Variants in C3 observed in about 807,000 individuals in gnomAD.
C3 encodes the protein C3 and PZP-like alpha-2-macroglobulin domain-containing protein 1.
C3 carries 97 observed loss-of-function variants against 207.9 expected under a neutral mutation model. That is an observed-to-expected ratio of 0.47 (90% CI 0.40 to 0.55). The LOEUF (loss-of-function observed/expected upper bound fraction) is 0.55. Among genes scored for constraint, C3 ranks in the 20% least tolerant of loss-of-function variants. The pLI is 0.00. For missense variants in C3, 1,684 were observed against 2,171.7 expected, an observed-to-expected ratio of 0.78 and a Z score of 4.46; for synonymous variants, 848 against 857.6, an observed-to-expected ratio of 0.99 and a Z score of 0.20.
At chr19:6,709,611 T>TGG in intron 14 of C3, 73 bp downstream of exon 14, 64 of 1,109,288 alleles carry the variant, frequency 5.8e-5, no homozygotes, top group East Asian at 7.7e-5. Context: ...CCCTCTCCAG[T>TGG]CCCACCCACC....
At chr19:6,705,872 C>A (rs909856539) in intron 17 of C3, among the ~76,000 whole-genome samples, 4 of 151,854 alleles carry the variant, frequency 2.6e-5, no homozygotes, top group Non-Finnish European at 2.9e-5. Context: ...CGGGGTTTCA[C>A]CATGTTGGCC....
At chr19:6,683,843 C>G (rs1006145460) in intron 33 of C3, among the ~76,000 whole-genome samples, 1 of 152,162 alleles carries the variant, frequency 6.6e-6, no homozygotes, top group Non-Finnish European at 1.5e-5. Flanking sequence ...GCTTGTGATC[C>G]CAAAACTTTG....
At chr19:6,707,329 A>C in intron 16 of C3, 56 bp from the exon 17 acceptor site, 3 of 1,601,584 alleles carry the variant, frequency 1.9e-6, no homozygotes, top group Admixed American at 1.7e-5. Context: ...CGGCAGCAGG[A>C]GGGACGCGGG....
rs139945572 is a variant in C3, at chr19:6,707,486, G to A, written c.2027C>T (p.Thr676Met). 3 of 1,614,068 alleles carry A rather than the reference G, an allele frequency of 1.9e-6. No individual in the cohort carries two copies. The highest frequency in any genetic ancestry group is 2.5e-6 in the Non-Finnish European group (3 of 1,179,984). The change falls in exon 16 of 41, where the codon ACG (threonine) becomes ATG (methionine). Residue 676 changes from threonine (T) to methionine (M), a missense_variant. By Grantham distance (81) the Thr-to-Met change is moderately conservative. Coordinates refer to ENST00000245907, the MANE Select transcript of C3 (RefSeq NM_000064.4). ...CCCACCTTTGTCCATTCGCTTCTCC[G>A]TGAGCTGCACGGAACGGCGTCGGCG... The part of the protein sequence containing the change: ...AARRRRSVQL[T>M]EKRMDKVGKY...
At chr19:6,696,764 G>A (rs966386440) in intron 21 of C3, 105 bp from the exon 22 acceptor site, 49 of 1,153,976 alleles carry the variant, frequency 4.2e-5, no homozygotes, top group African/African-American at 1.4e-4. Flanking sequence ...TAGCATTGCC[G>A]GGCGCGGTGG....
intron 14 of C3, 74 bp downstream of exon 14, chr19:6,709,610 G>A: frequency 7.6e-7 from 1 of 1,318,348 alleles, no homozygotes; most frequent in African/African-American, 1.5e-5. Context: ...GCCCTCTCCA[G>A]TCCCACCCAC....
chr19:6,706,022 T>TA (rs1313960530), intron 17 of C3, among the ~76,000 whole-genome samples: 2 of 152,230 alleles, frequency 1.3e-5, no homozygotes, highest in Non-Finnish European at 2.9e-5. Flanking sequence ...ACTTAAGACT[T>TA]ATTTCACGTG....
intron 38 of C3, among the ~76,000 whole-genome samples, chr19:6,678,748 T>C (rs1044172278): frequency 6.6e-6 from 1 of 152,100 alleles, no homozygotes; most frequent in African/African-American, 2.4e-5. Context: ...CACAAAATAC[T>C]GTAGCCTCAT....
chr19:6,691,055 C>CTT (rs112828808), intron 26 of C3, among the ~76,000 whole-genome samples: 3,399 of 131,672 alleles, frequency 0.026, 130 homozygotes, highest in African/African-American at 0.085. Flanking sequence ...GAGATATACA[C>CTT]TTTTTTTTTT....
chr19:6,689,365 CTCTCTCTCTCTCTCTCTCTCTCTG>C (rs1918112441), intron 27 of C3, among the ~76,000 whole-genome samples: 1 of 129,264 alleles, frequency 7.7e-6, no homozygotes, highest in African/African-American at 3.3e-5. Context: ...CCCTCCCTCT[CTCTCTCTCTCTCTCTCTCTCTCTG>C]CCTTGGTCCC....
At chr19:6,694,387 C>G (rs779711542) in intron 24 of C3, 44 bp downstream of exon 24, 2 of 1,577,896 alleles carry the variant, frequency 1.3e-6, no homozygotes, top group Non-Finnish European at 1.7e-6. Context: ...GGGATGCGCT[C>G]GGAAAGGGGT....
chr19:6,709,611 T>TTCCCCCCCCCCCCCCCC, intron 14 of C3, 73 bp downstream of exon 14: 3 of 1,109,436 alleles, frequency 2.7e-6, no homozygotes, highest in South Asian at 1.2e-5. Flanking sequence ...CCCTCTCCAG[T>TTCCCCCCCCCCCCCCCC]CCCACCCACC....
At chr19:6,705,461 G>A (rs1474953173) in intron 17 of C3, among the ~76,000 whole-genome samples, 2 of 150,494 alleles carry the variant, frequency 1.3e-5, no homozygotes, top group Non-Finnish European at 2.9e-5. Flanking sequence ...TCCCACCTCA[G>A]CCTCCTGAGT....
chr19:6,719,159 G>C lies in C3; in HGVS notation c.267+52C>G, dbSNP rs1355312166. On this transcript the variant is annotated intron_variant, in intron 2 of 40. Coordinates refer to ENST00000245907, the MANE Select transcript of C3 (RefSeq NM_000064.4). This position sits in a 1 kb window ranked among gnomAD's most constrained non-coding sequence, Gnocchi z 5.4. ...GGGGAGGGGCTCAGGAGGAGGGGGG[G>C]AGTGGGCGTGGCTGTGGGTGTCAGC... 1.4e-6 allele frequency: 2 copies of C among 1,468,756 alleles called. No individual in the cohort carries two copies. Among genetic ancestry groups the C allele is most frequent in the Non-Finnish European group, 1.9e-6 (2 of 1,048,024 alleles). 91.0% of individuals were successfully genotyped at this position (1,468,756 alleles called of 1,614,324 possible).
At position 6,710,982 on chromosome 19, in the gene C3, C is replaced by T. The variant is rs199552118; in HGVS notation, c.1479+5G>A. Reference sequence around the variant, plus strand: ...GGGGGCTGAGGTTTCCAGGTGGCCACGGACCAGGTAGGTGTAGTAGCGGAT... The same window carrying T: ...GGGGGCTGAGGTTTCCAGGTGGCCATGGACCAGGTAGGTGTAGTAGCGGAT... On this transcript the variant is annotated splice_donor_5th_base_variant and intron_variant, in intron 12 of 40. Transcript: ENST00000245907. 6 of 1,613,864 alleles carry T rather than the reference C, an allele frequency of 3.7e-6. No homozygotes were observed. The African/African-American group carries it at 5.3e-5, about 14-fold the overall frequency.
intron 1 of C3, 53 bp downstream of exon 1, chr19:6,720,463 C>A: frequency 7.4e-7 from 1 of 1,346,848 alleles, no homozygotes; most frequent in South Asian, 1.3e-5. Flanking sequence ...CCCCAAATGT[C>A]TGCTTCCACC....
At chr19:6,714,691 G>C (rs1298446799) in intron 4 of C3, among the ~76,000 whole-genome samples, 3 of 152,084 alleles carry the variant, frequency 2.0e-5, no homozygotes, top group East Asian at 3.9e-4. Flanking sequence ...ATGAAACCCT[G>C]TCTCTACTAA....
rs1471461975 is a variant in C3 at position 6,707,062 on chromosome 19, C to A, written c.2245+14G>T. ...GACGGCCCCCTCCCCCTGTCCCCAC[C>A]CCGTGGGACCTACTCCTGGCCAGGC... On this transcript the variant is annotated intron_variant, in intron 17 of 40. Transcript: ENST00000245907. The A allele has an allele frequency of 6.2e-7, 1 of 1,606,246 alleles. No individual in the cohort carries two copies. The highest frequency in any genetic ancestry group is 2.2e-5 in the East Asian group (1 of 44,748).
intron 11 of C3, 97 bp from the exon 12 acceptor site, chr19:6,711,293 G>A: frequency 1.1e-6 from 1 of 950,170 alleles, no homozygotes; most frequent in Non-Finnish European, 1.7e-6. Context: ...CTTAACAAAA[G>A]GGGCTTTGCA....
Sources: allele counts gnomAD v4.1 joint callset (sites outside exome capture counted in the v4.1 genomes callset), GRCh38; gene constraint gnomAD v4.1.1; non-coding constraint Gnocchi (gnomAD v3.1); transcripts MANE v1.5; gene names NCBI Gene and HGNC (gene_info 2026-07-23, HGNC 2026-07-21).